Variants in OR2G6 observed in about 807,000 individuals in gnomAD.
The protein encoded by OR2G6 is olfactory receptor family 2 subfamily G member 6.
For missense variants in OR2G6, 457 were observed against 391.3 expected, an observed-to-expected ratio of 1.17 and a Z score of -1.42; for synonymous variants, 183 against 155.2, an observed-to-expected ratio of 1.18 and a Z score of -1.33.
intron 1 of OR2G6, among the ~76,000 whole-genome samples, chr1:248,519,469 A>G (rs1664235508): frequency 6.6e-6 from 1 of 151,470 alleles, no homozygotes; most frequent in African/African-American, 2.4e-5. Flanking sequence ...TTTTAGGTCT[A>G]ACATTTAAGT....
chr1:248,509,124 T>A (rs1340769343), intron 1 of OR2G6, among the ~76,000 whole-genome samples: 1 of 27,236 alleles, frequency 3.7e-5, no homozygotes, highest in Non-Finnish European at 5.7e-5. Flanking sequence ...GATTCAGTAC[T>A]GTGAACTCCA....
In OR2G6 at chr1:248,521,842, C is replaced by A. The variant is rs1254969061; in HGVS notation, c.196C>A (p.Leu66Ile). ...HTPMYFFLSN[L>I]SCVDICFTTS... ...TCCAATGTACTTCTTCCTCAGCAAC[C>A]TCTCGTGTGTGGACATCTGCTTTAC... The change falls in exon 2 of 2, where the codon CTC becomes ATC. Residue 66 changes from leucine to isoleucine, a missense_variant. Leu to Ile is a conservative substitution (Grantham distance 5, BLOSUM62 2). Transcript: ENST00000641804. 6.2e-7 allele frequency: 1 copy of A among 1,614,018 alleles called. No individual in the cohort carries two copies. The highest frequency in any genetic ancestry group is 1.3e-5 in the African/African-American group (1 of 74,920).
intron 1 of OR2G6, among the ~76,000 whole-genome samples, chr1:248,508,821 A>G: frequency 1.4e-5 from 1 of 73,944 alleles, no homozygotes; most frequent in Non-Finnish European, 2.2e-5. Context: ...GCTCTTGTTG[A>G]AGAATTTTAC....
rs188173796 is a variant in OR2G6 at position 248,521,847 on chromosome 1, G to C, written c.201G>C (p.Ser67=). Residue 67 remains serine, a synonymous_variant, in exon 2 of 2, where the codon TCG becomes TCC. Transcript: ENST00000641804. ...TGTACTTCTTCCTCAGCAACCTCTC[G>C]TGTGTGGACATCTGCTTTACCACCA... ...TPMYFFLSNL[S]CVDICFTTSV... is the part of the protein sequence containing the mutation. 1 of 1,614,002 alleles carries C rather than the reference G, an allele frequency of 6.2e-7. No homozygotes were observed. Among genetic ancestry groups the C allele is most frequent in the African/African-American group, 1.3e-5 (1 of 74,902 alleles).
Position 248,523,417 on chromosome 1 carries a change from C to T in OR2G6, c.*820C>T, listed in dbSNP as rs754616033. 4 of 152,036 alleles carry T rather than the reference C, an allele frequency of 2.6e-5. No homozygotes were observed. Among genetic ancestry groups the T allele is most frequent in the Non-Finnish European group, 4.4e-5 (3 of 68,008 alleles). The allele number at this position is 152,036 out of a possible 1,614,324, so 9.4% of individuals were successfully genotyped here. ...TTGATTAAAAGTTGAGTAAAATTGC[C>T]ATATACTAAAATGTGTTTTAACATT... On this transcript the variant is annotated 3_prime_UTR_variant, in exon 2 of 2. Transcript: ENST00000641804.
In OR2G6 at chr1:248,521,621, T is replaced by C; in HGVS notation, c.-26T>C. 1 of 1,517,614 alleles carries C rather than the reference T, an allele frequency of 6.6e-7. No homozygotes were observed. The highest frequency in any genetic ancestry group is 1.2e-5 in the South Asian group (1 of 85,742). 94.0% of individuals were successfully genotyped at this position (1,517,614 alleles called of 1,614,324 possible). A position where few individuals can be genotyped will look rare whatever the true frequency, so the allele number is the denominator to read the frequency against. ...ATATTAATCACTTAGTATTTGAAGC[T>C]GAAGAGTCCTGAAGCTGCAGGAAAA... On this transcript the variant is annotated 5_prime_UTR_variant, in exon 2 of 2. Coordinates refer to ENST00000641804, the MANE Select transcript of OR2G6 (RefSeq NM_001013355.2).
chr1:248,522,829 C>T lies in OR2G6; in HGVS notation c.*232C>T. 4.0e-6 allele frequency: 2 copies of T among 500,846 alleles called. No homozygotes were observed. The highest frequency in any genetic ancestry group is 7.0e-6 in the Non-Finnish European group (2 of 285,132). 31.0% of individuals were successfully genotyped at this position (500,846 alleles called of 1,614,324 possible). A position where few individuals can be genotyped will look rare whatever the true frequency, so the allele number is the denominator to read the frequency against. ...ATTGGAATTCTAAAGAAGAGAAACA[C>T]ACCAAAGCAGCATGAGGGTTCATCC... On this transcript the variant is annotated 3_prime_UTR_variant, in exon 2 of 2. Coordinates refer to ENST00000641804, the MANE Select transcript of OR2G6 (RefSeq NM_001013355.2).
At position 248,523,195 on chromosome 1, in the gene OR2G6, A is replaced by G. The variant is rs2103062697; in HGVS notation, c.*598A>G. On this transcript the variant is annotated 3_prime_UTR_variant, in exon 2 of 2. Transcript: ENST00000641804. ...CAAAGCAATGTATATAACAGACTGA[A>G]AAAATACATGACCATTTTCCCAGAA... 6.6e-6 allele frequency: 1 copy of G among 152,370 alleles called. No homozygotes were observed. The highest frequency in any genetic ancestry group is 1.9e-4 in the East Asian group (1 of 5,190). 9.4% of individuals were successfully genotyped at this position (152,370 alleles called of 1,614,324 possible).
At position 248,526,186 on chromosome 1, in the gene OR2G6, A is replaced by C. The variant is rs572501465; in HGVS notation, c.*3589A>C. The C allele has an allele frequency of 6.6e-6, 1 of 152,368 alleles. No homozygotes were observed. Among genetic ancestry groups the C allele is most frequent in the South Asian group, 2.1e-4 (1 of 4,832 alleles). The allele number at this position is 152,368 out of a possible 1,614,324, so 9.4% of individuals were successfully genotyped here. Reference sequence around the variant, plus strand: ...CAAAAAGAGGAAAAAAGCTGGAGCCATCACATTACTAGACTTCAAAATATA... The same window carrying C: ...CAAAAAGAGGAAAAAAGCTGGAGCCCTCACATTACTAGACTTCAAAATATA... On this transcript the variant is annotated 3_prime_UTR_variant, in exon 2 of 2. Transcript: ENST00000641804.
chr1:248,521,115 C>G (rs1664276287), intron 1 of OR2G6, among the ~76,000 whole-genome samples: 1 of 149,144 alleles, frequency 6.7e-6, no homozygotes, highest in Non-Finnish European at 1.5e-5. Context: ...CTCAGCTACT[C>G]TTGAGGCTGA....
chr1:248,521,807 GACTCCAC>G lies in OR2G6; in HGVS notation c.168_174del (p.His56GlnfsTer28). On this transcript the variant is annotated frameshift_variant, in exon 2 of 2. Transcript: ENST00000641804. LOFTEE classifies it low-confidence loss of function (END_TRUNC). ...ATACTAGTATGTTGTCTGGACTCCA[GACTCCAC>G]ACTCCAATGTACTTCTTCCTCAGCA... 1.1e-5 allele frequency: 17 copies of G among 1,614,096 alleles called. No homozygotes were observed. Among genetic ancestry groups the G allele is most frequent in the Non-Finnish European group, 1.4e-5 (17 of 1,179,998 alleles).
chr1:248,522,328 A>T lies in OR2G6; in HGVS notation c.682A>T (p.Ile228Leu). 6.2e-7 allele frequency: 1 copy of T among 1,614,136 alleles called. No individual in the cohort carries two copies. Among genetic ancestry groups the T allele is most frequent in the Non-Finnish European group, 8.5e-7 (1 of 1,180,014 alleles). ...CTTTATCACTCAAGCTGTGTTAAGG[A>T]TAAAATCAGCTGCGGGCCGCCAAAA... ...YGFITQAVLR[I>L]KSAAGRQKAF... Residue 228 changes from isoleucine (I) to leucine (L), a missense_variant, in exon 2 of 2, where the codon ATA becomes TTA. Ile to Leu is a conservative substitution (Grantham distance 5, BLOSUM62 2). Coordinates refer to ENST00000641804, the MANE Select transcript of OR2G6 (RefSeq NM_001013355.2).
chr1:248,520,837 C>CCAT (rs1379609380), intron 1 of OR2G6, among the ~76,000 whole-genome samples: 1 of 141,914 alleles, frequency 7.0e-6, no homozygotes, highest in Non-Finnish European at 1.5e-5. Flanking sequence ...GGTGAAACCC[C>CCAT]CATCTCTACT....
Position 248,522,461 on chromosome 1 carries a change from AGTTT to A in OR2G6, c.820_823del (p.Val274LeufsTer6), listed in dbSNP as rs557899241. 1.3e-4 allele frequency: 214 copies of A among 1,614,126 alleles called. 1 individual carries two copies. In the African/African-American group the frequency reaches 2.2e-3, roughly 17 times the overall value. ...AATAGGAGATCCAAAAACCAGGGAA[AGTTT>A]GTTTCTCTTTTCTATACCATAGTCA... is the stretch of plus-strand genomic sequence containing the variant. On this transcript the variant is annotated frameshift_variant, in exon 2 of 2. Coordinates refer to ENST00000641804, the MANE Select transcript of OR2G6 (RefSeq NM_001013355.2). LOFTEE classifies it low-confidence loss of function (END_TRUNC).
Position 248,521,900 on chromosome 1 carries a change from T to C in OR2G6, c.254T>C (p.Met85Thr). 8.1e-6 allele frequency: 13 copies of C among 1,614,166 alleles called. No individual in the cohort carries two copies. Among genetic ancestry groups the C allele is most frequent in the Non-Finnish European group, 1.1e-5 (13 of 1,180,030 alleles). The part of the protein sequence containing the change: ...TSVAPQLLVT[M>T]NKKDKTMSYG... ...GTTGCCCCACAGTTGCTGGTTACCATGAATAAGAAAGACAAAACCATGAGC... is the reference window on the plus strand; with the variant it reads ...GTTGCCCCACAGTTGCTGGTTACCACGAATAAGAAAGACAAAACCATGAGC... The change falls in exon 2 of 2, where the codon ATG becomes ACG. Residue 85 changes from methionine (M) to threonine (T), a missense_variant. Physicochemically the swap from Met to Thr is moderately conservative, Grantham distance 81. Coordinates refer to ENST00000641804, the MANE Select transcript of OR2G6 (RefSeq NM_001013355.2).
intron 1 of OR2G6, among the ~76,000 whole-genome samples, chr1:248,520,764 T>A (rs972860998): frequency 1.3e-5 from 2 of 151,672 alleles, no homozygotes; most frequent in African/African-American, 4.8e-5. Context: ...ATCCCAGCAC[T>A]TTGGGAGGCT....
In OR2G6 at chr1:248,526,017, C is replaced by CA. The variant is rs59325988; in HGVS notation, c.*3430dup. ...TGGGCAACAGAGCAAGACTCCATCT[C>CA]AAAAAAAAAAGAAAAAAATGTATAT... On this transcript the variant is annotated 3_prime_UTR_variant, in exon 2 of 2. Transcript: ENST00000641804. 115,037 of 147,286 alleles carry CA rather than the reference C, an allele frequency of 0.78. 45,831 individuals carry two copies. Among genetic ancestry groups the CA allele is most frequent in the Admixed American group, 0.88 (13,011 of 14,806 alleles). The allele number at this position is 147,286 out of a possible 1,614,324, so 9.1% of individuals were successfully genotyped here.
Position 248,521,727 on chromosome 1 carries a change from TTTTGCCATCA to T in OR2G6, c.85_94del (p.Ala29CysfsTer6), listed in dbSNP as rs1414249899. 2 of 1,614,012 alleles carry T rather than the reference TTTTGCCATCA, an allele frequency of 1.2e-6. No individual in the cohort carries two copies. Among genetic ancestry groups the T allele is most frequent in the Non-Finnish European group, 1.7e-6 (2 of 1,180,020 alleles). On this transcript the variant is annotated frameshift_variant, in exon 2 of 2. Coordinates refer to ENST00000641804, the MANE Select transcript of OR2G6 (RefSeq NM_001013355.2). LOFTEE classifies it low-confidence loss of function (END_TRUNC). ...ATCAGCCTCAGCTAGAGAGGTTTCT[TTTTGCCATCA>T]TTTTGTACTTCTACGTCTTGAGCCT...
rs191419386 is a variant in OR2G6, at chr1:248,523,225, T to C, written c.*628T>C. On this transcript the variant is annotated 3_prime_UTR_variant, in exon 2 of 2. Coordinates refer to ENST00000641804, the MANE Select transcript of OR2G6 (RefSeq NM_001013355.2). ...TACATGACCATTTTCCCAGAATATGTCACTTTTAACTGGAGAATGGAACCA... is the reference window on the plus strand; with the variant it reads ...TACATGACCATTTTCCCAGAATATGCCACTTTTAACTGGAGAATGGAACCA... 6 of 152,342 alleles carry C rather than the reference T, an allele frequency of 3.9e-5. No individual in the cohort carries two copies. Among genetic ancestry groups the C allele is most frequent in the African/African-American group, 9.6e-5 (4 of 41,570 alleles). The allele number at this position is 152,342 out of a possible 1,614,324, so 9.4% of individuals were successfully genotyped here.
Sources: allele counts gnomAD v4.1 joint callset (sites outside exome capture counted in the v4.1 genomes callset), GRCh38; gene constraint gnomAD v4.1.1; transcripts MANE v1.5; gene names NCBI Gene and HGNC (gene_info 2026-07-23, HGNC 2026-07-21).